The following CTNND2 variants were observed in gnomAD, a reference collection of about 807,000 sequenced individuals.
CTNND2 encodes catenin delta-2.
Under a neutral mutation model 144.4 loss-of-function variants are expected in CTNND2, and 22 were observed. The observed-to-expected ratio is 0.15, with a 90% CI of 0.11 to 0.22. CTNND2 has a LOEUF of 0.22. Among genes scored for constraint, CTNND2 ranks in the 10% least tolerant of loss-of-function variants. The pLI, the probability that CTNND2 is intolerant of heterozygous loss-of-function variation, is 1.00. For missense variants in CTNND2, 1,353 were observed against 1,618.8 expected (o/e 0.84, Z 2.82); for synonymous variants, 751 against 695.6 (o/e 1.08, Z -1.25).
At position 11,301,004 on chromosome 5, in the gene CTNND2, C is replaced by T. The variant is rs191410576; in HGVS notation, c.1628+45368G>A. Reference sequence around the variant, plus strand: ...CTGGTATCTCAGTGTGTGGTCTCCCCTTCTGCTTTCTTTTTTGAGACGGAG... The same window carrying T: ...CTGGTATCTCAGTGTGTGGTCTCCCTTTCTGCTTTCTTTTTTGAGACGGAG... On this transcript the variant is annotated intron_variant, in intron 9 of 21. Coordinates refer to ENST00000304623, the MANE Select transcript of CTNND2 (RefSeq NM_001332.4). 3.7e-4 allele frequency among the ~76,000 whole-genome samples: 56 copies of T among 152,168 alleles called. No homozygotes were observed. In the East Asian group the frequency reaches 0.011, roughly 29 times the overall value.
rs551091537 is a variant in CTNND2, at chr5:11,259,065, C to T, written c.1629-22242G>A. Among the ~76,000 whole-genome samples, 3 of 152,272 alleles carry T rather than the reference C, an allele frequency of 2.0e-5. No homozygotes were observed. The South Asian group carries it at 6.2e-4, about 32-fold the overall frequency. On this transcript the variant is annotated intron_variant, in intron 9 of 21. Transcript: ENST00000304623. ...ATTTTGTAGCTAGGATTACCATCTA[C>T]AATCAGTTGACTTCAAGTCTAGGAG...
chr5:11,365,897 G>C (rs754137638), intron 7 of CTNND2, among the ~76,000 whole-genome samples: 1 of 152,200 alleles, frequency 6.6e-6, no homozygotes, highest in Non-Finnish European at 1.5e-5. Flanking sequence ...CTTCCATGTT[G>C]AATACAGAAC....
At chr5:11,807,162 C>T (rs1792049395) in intron 1 of CTNND2, among the ~76,000 whole-genome samples, 1 of 152,072 alleles carries the variant, frequency 6.6e-6, no homozygotes, top group Non-Finnish European at 1.5e-5. Context: ...TGAAAAACAA[C>T]TTGTTCCTTC....
chr5:11,627,122 T>A (rs1315942885), intron 2 of CTNND2, among the ~76,000 whole-genome samples: 1 of 145,608 alleles, frequency 6.9e-6, no homozygotes, highest in Non-Finnish European at 1.6e-5. Flanking sequence ...GACAGCTCTT[T>A]TGCCTTTTGG....
chr5:11,520,158 A>G (rs1772594724), intron 3 of CTNND2, among the ~76,000 whole-genome samples: 1 of 151,770 alleles, frequency 6.6e-6, no homozygotes, highest in African/African-American at 2.4e-5. Flanking sequence ...GGAAAAAAAA[A>G]AAAAAAAAGA....
At chr5:11,176,273 A>G (rs184582995) in intron 11 of CTNND2, among the ~76,000 whole-genome samples, 1 of 151,756 alleles carries the variant, frequency 6.6e-6, no homozygotes, top group Non-Finnish European at 1.5e-5. Context: ...CTATTTAAAA[A>G]TCCAGGGGAC....
intron 10 of CTNND2, among the ~76,000 whole-genome samples, chr5:11,233,055 T>C (rs1052202338): frequency 6.6e-6 from 1 of 152,174 alleles, no homozygotes; most frequent in Non-Finnish European, 1.5e-5. Context: ...ATAAGTTTCC[T>C]GAGGCCTCCC....
At chr5:11,539,900 G>C (rs1254551143) in intron 3 of CTNND2, among the ~76,000 whole-genome samples, 2 of 152,150 alleles carry the variant, frequency 1.3e-5, no homozygotes, top group African/African-American at 4.8e-5. Context: ...TGGGCATGGT[G>C]GTGGGCGTCT....
chr5:11,741,071 G>C (rs572196335), intron 1 of CTNND2, among the ~76,000 whole-genome samples: 21 of 152,336 alleles, frequency 1.4e-4, no homozygotes, highest in African/African-American at 4.8e-4. Flanking sequence ...GGAAACAACA[G>C]ATGCTGGAGA....
intron 1 of CTNND2, among the ~76,000 whole-genome samples, chr5:11,808,752 A>C (rs1450238202): frequency 6.6e-6 from 1 of 152,208 alleles, no homozygotes; most frequent in Non-Finnish European, 1.5e-5. Flanking sequence ...TTCCTAACAC[A>C]GTAATGTTTC....
chr5:11,615,937 T>C (rs567144529), intron 2 of CTNND2, among the ~76,000 whole-genome samples: 1 of 152,348 alleles, frequency 6.6e-6, no homozygotes, highest in Non-Finnish European at 1.5e-5. Flanking sequence ...AAGGTCATTT[T>C]AGCACCATGA....
chr5:11,267,494 A>G (rs546099627), intron 9 of CTNND2, among the ~76,000 whole-genome samples: 2 of 152,288 alleles, frequency 1.3e-5, no homozygotes, highest in East Asian at 3.9e-4. Flanking sequence ...CAGATAAATG[A>G]GCCCTTTAAG....
intron 1 of CTNND2, among the ~76,000 whole-genome samples, chr5:11,813,848 G>A (rs375115089): frequency 6.6e-6 from 1 of 152,092 alleles, no homozygotes; most frequent in East Asian, 1.9e-4. Context: ...GCATGTAACT[G>A]ACAAATGAAC....
At chr5:11,386,002 C>T (rs1759051269) in intron 6 of CTNND2, 1 of 152,218 alleles carries the variant, frequency 6.6e-6, no homozygotes, top group Non-Finnish European at 1.5e-5. Flanking sequence ...CCCCCTGCAG[C>T]TGTGTCTTCA....
rs372902245 is a variant in CTNND2, at chr5:11,522,911, C to T, written c.287+42033G>A. On this transcript the variant is annotated intron_variant, in intron 3 of 21. Transcript: ENST00000304623. ...GTATTTTTGCAAAGAAGCACCCATG[C>T]GTTTGAATTACTGTTAAAGTCAAGT... Among the ~76,000 whole-genome samples, 36 of 152,268 alleles carry T rather than the reference C, an allele frequency of 2.4e-4. No homozygotes were observed. The South Asian group carries it at 4.8e-3, about 20-fold the overall frequency.
At chr5:11,328,165 A>T (rs773154801) in intron 9 of CTNND2, among the ~76,000 whole-genome samples, 12 of 152,228 alleles carry the variant, frequency 7.9e-5, no homozygotes, top group Non-Finnish European at 1.5e-4. Context: ...TATATGGAAA[A>T]CTAGAAAAAT....
chr5:11,842,535 T>C (rs1327071689), intron 1 of CTNND2, among the ~76,000 whole-genome samples: 2 of 151,660 alleles, frequency 1.3e-5, no homozygotes, highest in Non-Finnish European at 2.9e-5. Context: ...CTGGCTAACA[T>C]GATGAAACCC....
Position 11,397,113 on chromosome 5 carries a change from G to T in CTNND2, c.530C>A (p.Thr177Asn). The T allele has an allele frequency of 1.2e-6, 2 of 1,614,182 alleles. No homozygotes were observed. The highest frequency in any genetic ancestry group is 1.7e-6 in the Non-Finnish European group (2 of 1,180,028). ...QYPASYHSNQ[T>N]LALGETTPSQ... ...AGGGGTGGTTTCCCCCAGGGCCAGG[G>T]TCTGGTTGCTATGGTAGCTGGCCGG... The change falls in exon 6 of 22, where the codon ACC becomes AAC. Residue 177 changes from threonine to asparagine, a missense_variant. Transcript: ENST00000304623.
At chr5:11,814,093 A>G (rs1357100129) in intron 1 of CTNND2, among the ~76,000 whole-genome samples, 2 of 152,206 alleles carry the variant, frequency 1.3e-5, no homozygotes, top group Non-Finnish European at 2.9e-5. Context: ...ATGTAATTAC[A>G]TTTACTTTAT....
Sources: gnomAD v4.1 joint callset for allele counts (sites outside exome capture counted in the v4.1 genomes callset) on GRCh38, gnomAD v4.1.1 for gene constraint, MANE v1.5 for transcripts, NCBI Gene and HGNC (gene_info 2026-07-23, HGNC 2026-07-21) for gene names.